The following KHDRBS2 variants were observed in gnomAD, a reference collection of about 807,000 sequenced individuals.
The protein encoded by KHDRBS2 is KH RNA binding domain containing, signal transduction associated 2, also known as KH domain-containing, RNA-binding, signal transduction-associated protein 2.
KHDRBS2 carries 26 observed loss-of-function variants against 44.3 expected under a neutral mutation model. The ratio of observed to expected loss-of-function variants is 0.59; its 90% CI spans 0.43 to 0.81. KHDRBS2 has a LOEUF of 0.81. Among genes scored for constraint, KHDRBS2 ranks in the 40% least tolerant of loss-of-function variants. The probability of loss-of-function intolerance (pLI) is 0.00; values close to 1 mark genes in which losing one functional copy is unlikely to be tolerated. For synonymous variants in KHDRBS2, 194 were observed against 151.1 expected, an observed-to-expected ratio of 1.28 and a Z score of -2.08; for missense variants, 476 against 433.1, an observed-to-expected ratio of 1.10 and a Z score of -0.88.
At chr6:61,832,999 T>G (rs1792085634) in intron 6 of KHDRBS2, among the ~76,000 whole-genome samples, 1 of 152,222 alleles carries the variant, frequency 6.6e-6, no homozygotes, top group South Asian at 2.1e-4. Flanking sequence ...TACAAATACC[T>G]TCTGGACTTG....
At chr6:62,194,710 T>C (rs1000234703) in intron 1 of KHDRBS2, among the ~76,000 whole-genome samples, 1 of 151,722 alleles carries the variant, frequency 6.6e-6, no homozygotes, top group Non-Finnish European at 1.5e-5. Context: ...TTTCACCATG[T>C]TGCCCAGGAT....
rs557791246 is a variant in KHDRBS2, at chr6:62,056,919, T to C, written c.220-8925A>G. 1.0e-3 allele frequency among the ~76,000 whole-genome samples: 159 copies of C among 152,106 alleles called. 1 individual carries two copies. Among genetic ancestry groups the C allele is most frequent in the African/African-American group, 3.3e-3 (136 of 41,570 alleles). ...CGACACATTTCCCAACACTTCTATT[T>C]CAATAGTTATTTTATTTTTAACCAA... On this transcript the variant is annotated intron_variant, in intron 2 of 8. Transcript: ENST00000281156.
At chr6:61,724,683 T>C (rs1773255517) in intron 7 of KHDRBS2, among the ~76,000 whole-genome samples, 1 of 152,076 alleles carries the variant, frequency 6.6e-6, no homozygotes. Context: ...AAATAGACTT[T>C]AAACCAACAA....
At chr6:61,627,158 C>T in the KHDRBS2 span, among the ~76,000 whole-genome samples, 1 of 142,858 alleles carries the variant, frequency 7.0e-6, no homozygotes, top group Non-Finnish European at 1.5e-5. Context: ...GAGGCTGAGG[C>T]AGGAGAATGG....
chr6:61,544,433 G>T, the KHDRBS2 span, among the ~76,000 whole-genome samples: 1 of 151,964 alleles, frequency 6.6e-6, no homozygotes, highest in East Asian at 1.9e-4. Context: ...AAATTTTCAA[G>T]AGTTTAAAAA....
At chr6:61,565,495 A>G in the KHDRBS2 span, among the ~76,000 whole-genome samples, 1 of 152,156 alleles carries the variant, frequency 6.6e-6, no homozygotes, top group Non-Finnish European at 1.5e-5. Context: ...TAATTTGTAA[A>G]TGGGCAAAAG....
At chr6:61,751,008 T>C (rs1206685775) in intron 6 of KHDRBS2, among the ~76,000 whole-genome samples, 1 of 152,142 alleles carries the variant, frequency 6.6e-6, no homozygotes. Context: ...CTTTATGTCA[T>C]AATATAGTAA....
At chr6:62,135,255 TC>T (rs1165197479) in intron 2 of KHDRBS2, among the ~76,000 whole-genome samples, 1 of 152,136 alleles carries the variant, frequency 6.6e-6, no homozygotes, top group African/African-American at 2.4e-5. Flanking sequence ...ATAAGGGGAA[TC>T]CCCTTTTGCT....
the KHDRBS2 span, among the ~76,000 whole-genome samples, chr6:61,591,346 T>C: frequency 6.6e-6 from 1 of 152,148 alleles, no homozygotes; most frequent in Non-Finnish European, 1.5e-5. Context: ...ATGGAGAAGC[T>C]ATATAGAATG....
At chr6:62,073,211 A>C (rs574212063) in intron 2 of KHDRBS2, among the ~76,000 whole-genome samples, 13 of 151,752 alleles carry the variant, frequency 8.6e-5, no homozygotes, top group Non-Finnish European at 1.8e-4. Flanking sequence ...TCATTGTGGG[A>C]GTTTTAAATT....
intron 6 of KHDRBS2, among the ~76,000 whole-genome samples, chr6:61,849,971 A>T (rs1260221554): frequency 3.9e-5 from 6 of 152,152 alleles, no homozygotes; most frequent in Non-Finnish European, 7.4e-5. Context: ...ACTTTGACAA[A>T]CAAAAATATT....
chr6:61,716,727 AT>A (rs1771495594), intron 7 of KHDRBS2, among the ~76,000 whole-genome samples: 1 of 152,004 alleles, frequency 6.6e-6, no homozygotes, highest in Admixed American at 6.6e-5. Flanking sequence ...TAAATATGTT[AT>A]TCATATGTTA....
intron 3 of KHDRBS2, among the ~76,000 whole-genome samples, chr6:62,014,858 A>G (rs536738508): frequency 2.0e-5 from 3 of 152,284 alleles, no homozygotes; most frequent in African/African-American, 7.2e-5. Flanking sequence ...TAAGAAAATA[A>G]TTACATGATA....
chr6:62,005,015 T>C (rs1778956097), intron 3 of KHDRBS2, among the ~76,000 whole-genome samples: 2 of 151,814 alleles, frequency 1.3e-5, no homozygotes, highest in Admixed American at 1.3e-4. Context: ...AACTTCATGA[T>C]TGAGAATCCT....
chr6:61,915,965 T>A (rs536108351), intron 4 of KHDRBS2, among the ~76,000 whole-genome samples: 1 of 152,068 alleles, frequency 6.6e-6, no homozygotes, highest in African/African-American at 2.4e-5. Flanking sequence ...AGAGCAGATC[T>A]GTGATCTCTT....
intron 2 of KHDRBS2, among the ~76,000 whole-genome samples, chr6:62,094,490 CTT>C (rs1800147845): frequency 6.6e-6 from 1 of 151,796 alleles, no homozygotes; most frequent in South Asian, 2.1e-4. Flanking sequence ...TAGGTTATCT[CTT>C]TGCTCTGTTG....
At chr6:62,261,469 G>C (rs1017245546) in intron 1 of KHDRBS2, among the ~76,000 whole-genome samples, 3 of 151,734 alleles carry the variant, frequency 2.0e-5, no homozygotes, top group Non-Finnish European at 4.4e-5. Flanking sequence ...ATACCAAAAA[G>C]CATTATATAA....
chr6:61,694,415 C>T (rs1232445837), intron 8 of KHDRBS2, among the ~76,000 whole-genome samples: 4 of 152,142 alleles, frequency 2.6e-5, no homozygotes, highest in Admixed American at 2.0e-4. Flanking sequence ...CCACCCTGTA[C>T]ATCATCATGT....
intron 6 of KHDRBS2, among the ~76,000 whole-genome samples, chr6:61,813,440 G>A (rs1282065196): frequency 6.6e-6 from 1 of 152,146 alleles, no homozygotes; most frequent in Non-Finnish European, 1.5e-5. Context: ...GAATTGGTAG[G>A]GATCAGGCAG....
Sources: allele counts gnomAD v4.1 joint callset (sites outside exome capture counted in the v4.1 genomes callset), GRCh38; gene constraint gnomAD v4.1.1; transcripts MANE v1.5; gene names NCBI Gene and HGNC (gene_info 2026-07-23, HGNC 2026-07-21).